ABCC9: variants seen among roughly 807,000 people sequenced by gnomAD.
ABCC9 encodes the protein ATP binding cassette subfamily C member 9, also known as ATP-binding cassette sub-family C member 9.
Under a neutral mutation model 188.3 loss-of-function variants are expected in ABCC9, and 95 were observed. That is an observed-to-expected ratio of 0.50 (90% CI 0.43 to 0.60). The LOEUF (loss-of-function observed/expected upper bound fraction) is 0.60, where lower values mean the gene tolerates loss of function less well. Ranked by LOEUF, ABCC9 falls within the 20% of genes least tolerant of loss-of-function variation. The probability of loss-of-function intolerance (pLI) is 0.00; values close to 1 mark genes in which losing one functional copy is unlikely to be tolerated. For synonymous variants in ABCC9, 659 were observed against 652.7 expected (o/e 1.01, Z -0.15); for missense variants, 1,102 against 1,876.3 (o/e 0.59, Z 7.62).
chr12:21,929,982 C>A (rs58759846), intron 4 of ABCC9, among the ~76,000 whole-genome samples: 1 of 123,892 alleles, frequency 8.1e-6, no homozygotes, highest in African/African-American at 3.0e-5. Context: ...ATCCCTCCCC[C>A]CTCCCCCTAC....
At chr12:21,814,051 ATTAAG>A (rs1294655074) in intron 35 of ABCC9, among the ~76,000 whole-genome samples, 2 of 152,108 alleles carry the variant, frequency 1.3e-5, no homozygotes, top group Non-Finnish European at 2.9e-5. Context: ...TTAAAAAAAG[ATTAAG>A]TTATTTCTAC....
chr12:21,921,682 G>A (rs73077081), intron 5 of ABCC9, among the ~76,000 whole-genome samples: 3,735 of 151,914 alleles, frequency 0.025, 63 homozygotes, highest in African/African-American at 0.048. Flanking sequence ...CAATATTTTC[G>A]TGTAGTAGTT....
intron 12 of ABCC9, among the ~76,000 whole-genome samples, chr12:21,895,920 A>G (rs149596768): frequency 3.3e-5 from 5 of 152,218 alleles, no homozygotes; most frequent in African/African-American, 1.2e-4. Flanking sequence ...TTGAAATACT[A>G]GTGTTTGGAA....
At chr12:21,929,677 C>T (rs907460271) in intron 4 of ABCC9, among the ~76,000 whole-genome samples, 3 of 151,934 alleles carry the variant, frequency 2.0e-5, no homozygotes, top group African/African-American at 4.8e-5. Context: ...AAGATTCTTA[C>T]GGAAGCAGTT....
chr12:21,887,938 C>CA lies in ABCC9; in HGVS notation c.1803-5dup, dbSNP rs761901621. On this transcript the variant is annotated splice_region_variant and splice_polypyrimidine_tract_variant and intron_variant, in intron 14 of 39. Transcript: ENST00000261200. Reference sequence around the variant, plus strand: ...AAACTCATTCAGCTTTTGAACACTGCAAAAAACAATAAACACAGAATAAGA... The same window carrying CA: ...AAACTCATTCAGCTTTTGAACACTGCAAAAAAACAATAAACACAGAATAAGA... 36 of 1,603,514 alleles carry CA rather than the reference C, an allele frequency of 2.2e-5. No homozygotes were observed. In the East Asian group the frequency reaches 7.1e-4, roughly 32 times the overall value.
chr12:21,840,649 C>T (rs1452029242), intron 29 of ABCC9, among the ~76,000 whole-genome samples: 1 of 152,172 alleles, frequency 6.6e-6, no homozygotes, highest in African/African-American at 2.4e-5. Flanking sequence ...CTCTGAACAT[C>T]TTTGCCCCAC....
At chr12:21,851,352 T>C (rs1420416668) in intron 24 of ABCC9, among the ~76,000 whole-genome samples, 1 of 152,204 alleles carries the variant, frequency 6.6e-6, no homozygotes, top group East Asian at 1.9e-4. Context: ...CATAACATTA[T>C]AGTGTAATTA....
intron 31 of ABCC9, among the ~76,000 whole-genome samples, chr12:21,821,549 G>A (rs1943038908): frequency 6.6e-6 from 1 of 151,820 alleles, no homozygotes; most frequent in Admixed American, 6.6e-5. Flanking sequence ...AAAAATCACT[G>A]GGTCTAAATA....
chr12:21,848,099 C>A (rs1167151867), intron 25 of ABCC9, 51 bp downstream of exon 25: 2 of 1,538,198 alleles, frequency 1.3e-6, no homozygotes, highest in East Asian at 4.5e-5. Context: ...AAAAAACCCT[C>A]GCATCCTGTT....
chr12:21,875,962 T>TGGC (rs1946320842), intron 16 of ABCC9, among the ~76,000 whole-genome samples: 1 of 151,960 alleles, frequency 6.6e-6, no homozygotes, highest in East Asian at 1.9e-4. Context: ...CAGGCGCCTG[T>TGGC]AGTCCCAGCT....
intron 16 of ABCC9, among the ~76,000 whole-genome samples, chr12:21,878,421 T>C (rs779413169): frequency 6.6e-6 from 1 of 152,204 alleles, no homozygotes; most frequent in Non-Finnish European, 1.5e-5. Flanking sequence ...TACACATGTA[T>C]AACCAGGCTG....
rs1941292495 is a variant in ABCC9 at position 21,798,909 on chromosome 12, A to G, written c.*2135T>C. 6.6e-6 allele frequency: 1 copy of G among 150,696 alleles called. No individual in the cohort carries two copies. Among genetic ancestry groups the G allele is most frequent in the Admixed American group, 6.7e-5 (1 of 15,026 alleles). The allele number at this position is 150,696 out of a possible 1,614,324, so 9.3% of individuals were successfully genotyped here. The stretch of plus-strand genomic sequence containing the variant: ...TGGCACATATACACCATGGAATACT[A>G]TGCAGCCATACAAAATGATGAGTTC... On this transcript the variant is annotated 3_prime_UTR_variant, in exon 40 of 40. Transcript: ENST00000261200.
At position 21,938,567 on chromosome 12, in the gene ABCC9, A is replaced by G. The variant is rs551466962; in HGVS notation, c.-20-1873T>C. Among the ~76,000 whole-genome samples, 250 of 152,320 alleles carry G rather than the reference A, an allele frequency of 1.6e-3. 1 individual carries two copies. Among genetic ancestry groups the G allele is most frequent in the Non-Finnish European group, 3.0e-3 (201 of 68,008 alleles). ...CCTTTATTTAGTAGAAATGATAAAA[A>G]GAAAACTTAAAGCCCACTCTTAATT... On this transcript the variant is annotated intron_variant, in intron 2 of 39. Transcript: ENST00000261200.
At chr12:21,818,388 C>G in intron 31 of ABCC9, 137 bp from the exon 32 acceptor site, 1 of 722,886 alleles carries the variant, frequency 1.4e-6, no homozygotes, top group Non-Finnish European at 2.5e-6. Context: ...GGAAGAATAC[C>G]TAAGATGTAG....
chr12:21,825,406 A>G (rs1177183029), intron 31 of ABCC9, among the ~76,000 whole-genome samples: 2 of 152,252 alleles, frequency 1.3e-5, no homozygotes, highest in African/African-American at 2.4e-5. Context: ...ATGCCCATCA[A>G]TGATAGACTG....
intron 2 of ABCC9, among the ~76,000 whole-genome samples, 180 bp from the exon 3 acceptor site, chr12:21,936,874 T>C (rs187653743): frequency 1.3e-5 from 2 of 152,288 alleles, no homozygotes; most frequent in East Asian, 3.9e-4. Context: ...ATACGTCCTA[T>C]GAGATCTTCT....
At chr12:21,805,952 G>C in intron 39 of ABCC9, 46 bp downstream of exon 39, 1 of 1,568,868 alleles carries the variant, frequency 6.4e-7, no homozygotes. Context: ...TAACATGTTA[G>C]AACAAAAACC....
chr12:21,852,379 G>T lies in ABCC9; in HGVS notation c.2632C>A (p.His878Asn). The change falls in exon 23 of 40, where the codon CAT (histidine) becomes AAT (asparagine). Residue 878 changes from histidine to asparagine, a missense_variant. By Grantham distance (68) the His-to-Asn change is moderately conservative. Coordinates refer to ENST00000261200, the MANE Select transcript of ABCC9 (RefSeq NM_020297.4). Reference protein sequence around the residue: ...LVTHKLQYLTHADWIIAMKDG... With the variant: ...LVTHKLQYLTNADWIIAMKDG... ...TTCTAAACTCTTACCCAGTCAGCATGCGTCAGATACTGTAATTTGTGAGTC... is the reference window on the plus strand; with the variant it reads ...TTCTAAACTCTTACCCAGTCAGCATTCGTCAGATACTGTAATTTGTGAGTC... 1 of 1,613,938 alleles carries T rather than the reference G, an allele frequency of 6.2e-7. No homozygotes were observed.
At chr12:21,868,547 G>T (rs902363500) in intron 18 of ABCC9, among the ~76,000 whole-genome samples, 1 of 152,098 alleles carries the variant, frequency 6.6e-6, no homozygotes, top group African/African-American at 2.4e-5. Flanking sequence ...GCTGAGGCAG[G>T]AGAATGGCAT....
Sources: allele counts gnomAD v4.1 joint callset (sites outside exome capture counted in the v4.1 genomes callset), GRCh38; gene constraint gnomAD v4.1.1; transcripts MANE v1.5; gene names NCBI Gene and HGNC (gene_info 2026-07-23, HGNC 2026-07-21).